The following EMCN variants were observed in gnomAD, a reference collection of about 807,000 sequenced individuals.
EMCN encodes the protein endomucin.
Under a neutral mutation model 38.4 loss-of-function variants are expected in EMCN, and 37 were observed. The ratio of observed to expected loss-of-function variants is 0.96; its 90% CI spans 0.74 to 1.27. EMCN has a LOEUF of 1.27. EMCN is among the 50% of genes most tolerant of loss of function. EMCN has a pLI of 0.00. For missense variants in EMCN, 318 were observed against 302.8 expected (o/e 1.05, Z -0.37); for synonymous variants, 95 against 100.8 (o/e 0.94, Z 0.35).
chr4:100,407,870 T>C (rs1239915671), intron 11 of EMCN, among the ~76,000 whole-genome samples: 1 of 152,224 alleles, frequency 6.6e-6, no homozygotes, highest in Non-Finnish European at 1.5e-5. Context: ...CAATGGGTCA[T>C]AAGTTTTGTC....
At chr4:100,475,302 T>TGCAC (rs71594587) in intron 2 of EMCN, among the ~76,000 whole-genome samples, 193 bp from the exon 3 acceptor site, 3 of 143,040 alleles carry the variant, frequency 2.1e-5, no homozygotes, top group Non-Finnish European at 4.5e-5. Context: ...TTGGGTGGCC[T>TGCAC]ACACACACAC....
At chr4:100,428,601 A>AAG (rs764288744) in intron 5 of EMCN, among the ~76,000 whole-genome samples, 3 of 152,178 alleles carry the variant, frequency 2.0e-5, no homozygotes. Flanking sequence ...CAGTGTCTGG[A>AAG]AGTAGGGCCC....
chr4:100,414,449 G>C (rs1726656562), intron 10 of EMCN, among the ~76,000 whole-genome samples: 1 of 141,982 alleles, frequency 7.0e-6, no homozygotes. Flanking sequence ...GGAGAAAACT[G>C]TGAGTGGCTT....
chr4:100,440,140 T>C (rs1727470008), intron 5 of EMCN, among the ~76,000 whole-genome samples: 2 of 152,202 alleles, frequency 1.3e-5, no homozygotes, highest in South Asian at 4.1e-4. Context: ...CTGTTAGGTC[T>C]AATGGGTGAA....
intron 1 of EMCN, among the ~76,000 whole-genome samples, 183 bp downstream of exon 1, chr4:100,517,649 CAAACATTTCCCTTCAGTAG>C (rs1426950152): frequency 1.3e-5 from 2 of 152,056 alleles, no homozygotes; most frequent in Non-Finnish European, 2.9e-5. Context: ...GCTGTACCCG[CAAACATTTCCCTTCAGTAG>C]AAACAAATAC....
intron 1 of EMCN, among the ~76,000 whole-genome samples, chr4:100,513,993 G>A (rs991671878): frequency 6.6e-6 from 1 of 152,080 alleles, no homozygotes; most frequent in Non-Finnish European, 1.5e-5. Flanking sequence ...CCTTAGGAGA[G>A]TTAGATATAC....
At chr4:100,475,243 C>A (rs374046431) in intron 2 of EMCN, 134 bp from the exon 3 acceptor site, 47 of 304,456 alleles carry the variant, frequency 1.5e-4, no homozygotes, top group East Asian at 2.5e-4. Context: ...TTTTCCAGTT[C>A]GTTTTGTCTA....
chr4:100,506,368 T>C (rs1337315608), intron 1 of EMCN, among the ~76,000 whole-genome samples: 3 of 152,116 alleles, frequency 2.0e-5, no homozygotes, highest in African/African-American at 7.2e-5. Flanking sequence ...TGCCTAATGC[T>C]TAGACAAAAC....
At chr4:100,504,987 T>C (rs947877946) in intron 1 of EMCN, among the ~76,000 whole-genome samples, 1 of 152,194 alleles carries the variant, frequency 6.6e-6, no homozygotes, top group Non-Finnish European at 1.5e-5. Flanking sequence ...AGTAGCAAAA[T>C]TGGTGAAAGT....
intron 9 of EMCN, among the ~76,000 whole-genome samples, chr4:100,416,313 T>C (rs866600847): frequency 7.9e-5 from 12 of 152,142 alleles, no homozygotes; most frequent in African/African-American, 2.7e-4. Context: ...ATCGCACATG[T>C]CTCCAATTCT....
chr4:100,502,739 T>G (rs1382616643), intron 1 of EMCN, among the ~76,000 whole-genome samples: 1 of 152,204 alleles, frequency 6.6e-6, no homozygotes, highest in Non-Finnish European at 1.5e-5. Flanking sequence ...CTCTATTAGA[T>G]TAGGAAAATC....
chr4:100,450,445 G>T (rs1727805553), intron 4 of EMCN, among the ~76,000 whole-genome samples: 1 of 151,930 alleles, frequency 6.6e-6, no homozygotes, highest in African/African-American at 2.4e-5. Flanking sequence ...AAAGGATATT[G>T]CAGGATATTT....
At position 100,398,515 on chromosome 4, in the gene EMCN, C is replaced by T. The variant is rs975835953; in HGVS notation, c.*40-142G>A. ...CTCCATTTTTTCCACCTAGTAGAAT[C>T]ACTTGACTGTCTCTCAAGCTCTTCA... On this transcript the variant is annotated intron_variant, in intron 11 of 11. Transcript: ENST00000296420. 4 of 152,054 alleles carry T rather than the reference C, an allele frequency of 2.6e-5. No individual in the cohort carries two copies. The East Asian group carries it at 5.8e-4, about 22-fold the overall frequency. The allele number at this position is 152,054 out of a possible 1,614,324, so 9.4% of individuals were successfully genotyped here.
At chr4:100,473,898 CA>C in intron 3 of EMCN, 1 of 153,090 alleles carries the variant, frequency 6.5e-6, no homozygotes. Context: ...TGATGTGCGA[CA>C]AAAAGTGACA....
intron 1 of EMCN, 74 bp downstream of exon 1, chr4:100,517,777 A>C (rs985277448): frequency 1.1e-5 from 15 of 1,400,706 alleles, no homozygotes; most frequent in Admixed American, 1.7e-5. Flanking sequence ...AAGATCCCTG[A>C]AAGTAAACTG....
chr4:100,423,356 G>A lies in EMCN; in HGVS notation c.464C>T (p.Thr155Ile). ...TTCTGGAATTGTAACTGGTATTGAG[G>A]TTAATGTACCAGTTTTAGAAGGTGA... Reference protein sequence around the residue: ...DASPSKTGTLTSIPVTIPENT... With the variant: ...DASPSKTGTLISIPVTIPENT... The change falls in exon 6 of 12, where the codon ACC (threonine) becomes ATC (isoleucine). Residue 155 changes from threonine (T) to isoleucine (I), a missense_variant. Coordinates refer to ENST00000296420, the MANE Select transcript of EMCN (RefSeq NM_016242.4). The A allele has an allele frequency of 1.9e-6, 3 of 1,613,080 alleles. No homozygotes were observed. The South Asian group carries it at 3.3e-5, about 18-fold the overall frequency.
chr4:100,509,678 G>A (rs1052910502), intron 1 of EMCN, among the ~76,000 whole-genome samples: 3 of 152,080 alleles, frequency 2.0e-5, no homozygotes, highest in African/African-American at 7.2e-5. Flanking sequence ...TGATACAAAT[G>A]GTTTTCCGTG....
intron 11 of EMCN, among the ~76,000 whole-genome samples, chr4:100,405,380 G>T (rs187525877): frequency 6.6e-6 from 1 of 152,062 alleles, no homozygotes; most frequent in East Asian, 1.9e-4. Context: ...TTATTTTGAG[G>T]TATATTTCTT....
Position 100,398,209 on chromosome 4 carries a change from G to A in EMCN, c.*204C>T, listed in dbSNP as rs1372789550. The A allele has an allele frequency of 6.6e-5, 10 of 152,090 alleles. No individual in the cohort carries two copies. Among genetic ancestry groups the A allele is most frequent in the Non-Finnish European group, 1.3e-4 (9 of 68,014 alleles). The allele number at this position is 152,090 out of a possible 1,614,324, so 9.4% of individuals were successfully genotyped here. The stretch of plus-strand genomic sequence containing the variant: ...TTTTTAAATGTGAGAGAACAGGAGA[G>A]CCCCGGGGTTCTTTTTGATTCCATC... On this transcript the variant is annotated 3_prime_UTR_variant, in exon 12 of 12. Coordinates refer to ENST00000296420, the MANE Select transcript of EMCN (RefSeq NM_016242.4).
Sources: allele counts gnomAD v4.1 joint callset (sites outside exome capture counted in the v4.1 genomes callset), GRCh38; gene constraint gnomAD v4.1.1; transcripts MANE v1.5; gene names NCBI Gene and HGNC (gene_info 2026-07-23, HGNC 2026-07-21).